LOC400499: variants seen among roughly 807,000 people sequenced by gnomAD.
At chr16:11,490,814 G>C in the LOC400499 span, among the ~76,000 whole-genome samples, 10 of 152,228 alleles carry the variant, frequency 6.6e-5, no homozygotes, top group African/African-American at 2.2e-4. Flanking sequence ...TACAAGTTCT[G>C]ATGTAATACA....
chr16:11,463,214 A>G, the LOC400499 span, among the ~76,000 whole-genome samples: 1 of 152,098 alleles, frequency 6.6e-6, no homozygotes, highest in Non-Finnish European at 1.5e-5. Flanking sequence ...AGCAACTACA[A>G]ATATCATCTT....
the LOC400499 span, chr16:11,450,754 C>T: frequency 1.6e-5 from 24 of 1,536,016 alleles, no homozygotes; most frequent in African/African-American, 1.2e-4. Flanking sequence ...GAACACAGCT[C>T]GGTGTGGCCA....
At chr16:11,417,847 G>T in the LOC400499 span, 2 of 398,754 alleles carry the variant, frequency 5.0e-6, no homozygotes, top group South Asian at 2.6e-4. Context: ...GACCTGGAAT[G>T]ACACCAAGGA....
At chr16:11,484,703 T>A in the LOC400499 span, among the ~76,000 whole-genome samples, 1 of 152,104 alleles carries the variant, frequency 6.6e-6, no homozygotes, top group Non-Finnish European at 1.5e-5. Flanking sequence ...AGCAACAGTT[T>A]TTCCAAATAA....
chr16:11,433,543 G>C, the LOC400499 span, among the ~76,000 whole-genome samples: 1 of 152,100 alleles, frequency 6.6e-6, no homozygotes. Flanking sequence ...CTAATCCCTT[G>C]GAACTAGAGA....
chr16:11,451,509 G>T, the LOC400499 span, among the ~76,000 whole-genome samples: 1 of 152,054 alleles, frequency 6.6e-6, no homozygotes, highest in African/African-American at 2.4e-5. Context: ...CTGTAATGGT[G>T]CAATGCACTC....
chr16:11,494,743 C>T, the LOC400499 span: 1 of 399,128 alleles, frequency 2.5e-6, no homozygotes, highest in Non-Finnish European at 4.4e-6. Context: ...GGCTGGCCCT[C>T]GGGGTCTGGA....
chr16:11,402,508 C>A, the LOC400499 span, among the ~76,000 whole-genome samples: 1 of 152,180 alleles, frequency 6.6e-6, no homozygotes, highest in Non-Finnish European at 1.5e-5. Context: ...TAAGCCCAGG[C>A]CTTAGGAGGC....
chr16:11,381,276 T>G, the LOC400499 span, among the ~76,000 whole-genome samples: 213 of 152,340 alleles, frequency 1.4e-3, 1 homozygote, highest in African/African-American at 4.8e-3. Flanking sequence ...AGACAGGGTC[T>G]CAGTCTGTCA....
the LOC400499 span, among the ~76,000 whole-genome samples, chr16:11,505,135 T>C: frequency 6.7e-6 from 1 of 148,630 alleles, no homozygotes; most frequent in Non-Finnish European, 1.5e-5. Flanking sequence ...AAGCATCCTA[T>C]ATGCAATGGC....
At chr16:11,373,371 G>C in the LOC400499 span, among the ~76,000 whole-genome samples, 1 of 152,238 alleles carries the variant, frequency 6.6e-6, no homozygotes, top group African/African-American at 2.4e-5. Context: ...CTGAGATGGA[G>C]TCTCGCGCTA....
chr16:11,376,796 T>C, the LOC400499 span, among the ~76,000 whole-genome samples: 1 of 152,200 alleles, frequency 6.6e-6, no homozygotes, highest in Non-Finnish European at 1.5e-5. Flanking sequence ...ATTGACATCT[T>C]AATGATATTC....
the LOC400499 span, among the ~76,000 whole-genome samples, chr16:11,411,784 T>TC: frequency 6.6e-6 from 1 of 151,996 alleles, no homozygotes; most frequent in South Asian, 2.1e-4. Flanking sequence ...CCAGGGATCC[T>TC]CCTCACATAG....
the LOC400499 span, among the ~76,000 whole-genome samples, chr16:11,416,270 G>C: frequency 1.3e-5 from 2 of 152,106 alleles, no homozygotes; most frequent in African/African-American, 4.8e-5. Context: ...AAAAATTTGA[G>C]GCCAACAGAA....
chr16:11,446,915 T>C, the LOC400499 span: 12 of 1,531,926 alleles, frequency 7.8e-6, no homozygotes, highest in African/African-American at 1.4e-4. Flanking sequence ...GGGTGCCTGG[T>C]GTGCAGAGGG....
At chr16:11,460,988 G>A in the LOC400499 span, 1 of 1,535,598 alleles carries the variant, frequency 6.5e-7, no homozygotes. Context: ...TGGATCCTCA[G>A]GGAGTTGGTC....
At chr16:11,475,582 A>T in the LOC400499 span, 1 of 398,744 alleles carries the variant, frequency 2.5e-6, no homozygotes, top group Non-Finnish European at 4.4e-6. Context: ...CAACCCTGGG[A>T]TGCCCACCTT....
At chr16:11,450,634 T>C in the LOC400499 span, 1 of 1,536,020 alleles carries the variant, frequency 6.5e-7, no homozygotes, top group Non-Finnish European at 8.7e-7. Context: ...AGCTGCGGTG[T>C]AAACCTGGAT....
the LOC400499 span, among the ~76,000 whole-genome samples, chr16:11,377,758 A>G: frequency 4.6e-5 from 7 of 152,142 alleles, no homozygotes; most frequent in African/African-American, 1.4e-4. Flanking sequence ...ACATTGGTCT[A>G]TTTTCCTCTG....
Sources: allele counts gnomAD v4.1 joint callset (sites outside exome capture counted in the v4.1 genomes callset), GRCh38; gene constraint gnomAD v4.1.1; transcripts MANE v1.5.